The following PLSCR5 variants were observed in gnomAD, a reference collection of about 807,000 sequenced individuals.
PLSCR5 encodes the protein phospholipid scramblase family member 5, also known as phospholipid scramblase family, member 5.
PLSCR5 carries 44 observed loss-of-function variants against 33.6 expected under a neutral mutation model. That is an observed-to-expected ratio of 1.31 (90% confidence interval 1.03 to 1.69). The LOEUF is 1.69. Among genes scored for constraint, PLSCR5 ranks in the 40% most tolerant of loss-of-function variants. The pLI is 0.00. For missense variants in PLSCR5, 375 were observed against 318.7 expected (o/e 1.18, Z -1.34); for synonymous variants, 148 against 112.3 (o/e 1.32, Z -2.01).
rs191125869 is a variant in PLSCR5, at chr3:146,598,449, T to G, written c.189+1839A>C. ...ACCTTTCCCTTTAGAAGTAGAATAT[T>G]CAACAATTGGTGGCATATTTTTCTT... On this transcript the variant is annotated intron_variant, in intron 2 of 7. Coordinates refer to ENST00000443512, the MANE Select transcript of PLSCR5 (RefSeq NM_001085420.2). Among the ~76,000 whole-genome samples the G allele has an allele frequency of 4.3e-4, 66 of 152,344 alleles. 1 individual carries two copies. Among genetic ancestry groups the G allele is most frequent in the Admixed American group, 1.9e-3 (29 of 15,296 alleles).
chr3:146,600,354 A>G lies in PLSCR5; in HGVS notation c.123T>C (p.Ser41=), dbSNP rs755339520. Residue 41 remains serine (S), a synonymous_variant, in exon 2 of 8, where the codon AGT becomes AGC. Transcript: ENST00000443512. ...SNPGNQAWQL[S]LPLPSSFLPT... is the part of the protein sequence containing the mutation. Reference sequence around the variant, plus strand: ...GCAGGAAACTGCTTGGCAGAGGGAGACTCAGCTGCCATGCTTGGTTCCCTG... The same window carrying G: ...GCAGGAAACTGCTTGGCAGAGGGAGGCTCAGCTGCCATGCTTGGTTCCCTG... 3.1e-6 allele frequency: 5 copies of G among 1,608,030 alleles called. No homozygotes were observed. The South Asian group carries it at 5.6e-5, about 18-fold the overall frequency.
chr3:146,596,284 G>A (rs2044760487), intron 2 of PLSCR5, among the ~76,000 whole-genome samples: 1 of 152,148 alleles, frequency 6.6e-6, no homozygotes, highest in Non-Finnish European at 1.5e-5. Context: ...CACCTCCTAG[G>A]TTCAAGCAAT....
At chr3:146,592,886 T>C (rs945284002) in intron 4 of PLSCR5, among the ~76,000 whole-genome samples, 1 of 152,178 alleles carries the variant, frequency 6.6e-6, no homozygotes, top group Non-Finnish European at 1.5e-5. Flanking sequence ...GACTACACTC[T>C]CTTGGGGCAT....
intron 4 of PLSCR5, among the ~76,000 whole-genome samples, chr3:146,592,214 A>T (rs1454867174): frequency 1.3e-5 from 2 of 152,054 alleles, no homozygotes; most frequent in Admixed American, 6.6e-5. Flanking sequence ...TCAACCACTG[A>T]AGCTGTTCCT....
At chr3:146,582,678 C>A (rs2044640426), downstream of PLSCR5, among the ~76,000 whole-genome samples, 1 of 152,086 alleles carries the variant, frequency 6.6e-6, no homozygotes, top group Non-Finnish European at 1.5e-5. Context: ...GAGAATAGCC[C>A]TTACCAGAAC....
At chr3:146,588,415 G>A (rs2044682255) in intron 6 of PLSCR5, among the ~76,000 whole-genome samples, 1 of 152,120 alleles carries the variant, frequency 6.6e-6, no homozygotes, top group African/African-American at 2.4e-5. Flanking sequence ...AGGTTGTGGT[G>A]AGCCAAGATT....
In PLSCR5 at chr3:146,600,434, C is replaced by G. The variant is rs779543947; in HGVS notation, c.43G>C (p.Gly15Arg). The change falls in exon 2 of 8, where the codon GGT (glycine) becomes CGT (arginine). Residue 15 changes from glycine to arginine, a missense_variant. Transcript: ENST00000443512. ...GGGTCTGGAGCTCCAGGAAGAAAAC[C>G]AGGCAGACCTCTTCTTTGGTTCTGG... is the stretch of plus-strand genomic sequence containing the variant. The part of the protein sequence containing the change: ...DAQNQRRGLP[G>R]FLPGAPDPDQ... 1.2e-6 allele frequency: 2 copies of G among 1,601,220 alleles called. No individual in the cohort carries two copies.
Position 146,591,787 on chromosome 3 carries a change from T to C in PLSCR5, c.548A>G (p.Lys183Arg), listed in dbSNP as rs754660624. Residue 183 changes from lysine (K) to arginine (R), a missense_variant, in exon 5 of 8, where the codon AAA (lysine) becomes AGA (arginine). Physicochemically the swap from Lys to Arg is conservative, Grantham distance 26. Transcript: ENST00000443512. ...LPKFTIQNAN[K>R]EDILKIVGPC... is the part of the protein sequence containing the mutation. ...ACCAACAATTTTCAAAATATCTTCT[T>C]TGTTTGCATTTTGGATTGTGAATTT... is the stretch of plus-strand genomic sequence containing the variant. The C allele has an allele frequency of 2.6e-5, 42 of 1,612,234 alleles. No homozygotes were observed. The South Asian group carries it at 4.5e-4, about 17-fold the overall frequency.
Position 146,595,040 on chromosome 3 carries a change from C to T in PLSCR5, c.232+1G>A. 1 of 1,429,776 alleles carries T rather than the reference C, an allele frequency of 7.0e-7. No individual in the cohort carries two copies. Among genetic ancestry groups the T allele is most frequent in the Non-Finnish European group, 9.3e-7 (1 of 1,075,892 alleles). The allele number at this position is 1,429,776 out of a possible 1,614,324, so 88.6% of individuals were successfully genotyped here. ...ATATGTAATATATATAATGCACTTA[C>T]TTCCAAGCAGCTCCACCTGCTGGTG... is the stretch of plus-strand genomic sequence containing the variant. On this transcript the variant is annotated splice_donor_variant, in intron 3 of 7. Transcript: ENST00000443512. LOFTEE classifies it high-confidence loss of function.
chr3:146,596,963 G>A (rs962394426), intron 2 of PLSCR5, among the ~76,000 whole-genome samples: 4 of 152,106 alleles, frequency 2.6e-5, no homozygotes, highest in African/African-American at 9.7e-5. Context: ...CTTTAGTAGT[G>A]TACTGCATTA....
At chr3:146,579,552 C>G (rs934203200) in intron 7 of PLSCR5, among the ~76,000 whole-genome samples, 4 of 152,190 alleles carry the variant, frequency 2.6e-5, no homozygotes, top group Admixed American at 6.5e-5. Flanking sequence ...GATCATCTAT[C>G]CAAACCCCTC....
chr3:146,587,898 A>G (rs544720472), intron 6 of PLSCR5, among the ~76,000 whole-genome samples: 2 of 152,046 alleles, frequency 1.3e-5, no homozygotes, highest in East Asian at 3.9e-4. Context: ...ATATACATAT[A>G]TATCTATGTA....
At chr3:146,591,917 T>C in intron 4 of PLSCR5, 36 bp from the exon 5 acceptor site, 1 of 1,487,446 alleles carries the variant, frequency 6.7e-7, no homozygotes, top group Admixed American at 2.3e-5. Context: ...AAGATTTTCT[T>C]AGGTTATCAT....
At chr3:146,578,980 AT>A (rs140745337) in intron 7 of PLSCR5, among the ~76,000 whole-genome samples, 7 of 151,844 alleles carry the variant, frequency 4.6e-5, no homozygotes, top group African/African-American at 7.2e-5. Flanking sequence ...TTTAATGAAA[AT>A]TTTTTTCTTT....
At chr3:146,591,160 T>C (rs942435065) in intron 5 of PLSCR5, among the ~76,000 whole-genome samples, 2 of 143,436 alleles carry the variant, frequency 1.4e-5, no homozygotes, top group Admixed American at 6.9e-5. Context: ...TAGGTGATTC[T>C]AAACTGTATA....
At position 146,594,120 on chromosome 3, in the gene PLSCR5, A is replaced by C. The variant is rs1383289839; in HGVS notation, c.253T>G (p.Ser85Ala). 3.7e-6 allele frequency: 6 copies of C among 1,613,160 alleles called. No individual in the cohort carries two copies. Among genetic ancestry groups the C allele is most frequent in the African/African-American group, 2.7e-5 (2 of 74,852 alleles). ...LLGMILGTET[S>A]NKYEIKNSLG... is the part of the protein sequence containing the mutation. ...CTGTTTTTAATCTCATATTTGTTGG[A>C]GGTCTCAGTACCAAGTATCACTAAT... Residue 85 changes from serine to alanine, a missense_variant, in exon 4 of 8, where the codon TCC (serine) becomes GCC (alanine). Physicochemically the swap from Ser to Ala is moderately conservative, Grantham distance 99 (BLOSUM62 1). Coordinates refer to ENST00000443512, the MANE Select transcript of PLSCR5 (RefSeq NM_001085420.2).
intron 2 of PLSCR5, among the ~76,000 whole-genome samples, chr3:146,599,933 G>C (rs1430140606): frequency 2.0e-5 from 3 of 151,774 alleles, no homozygotes; most frequent in Non-Finnish European, 4.4e-5. Context: ...CAAAATGCTG[G>C]GATTACAGGC....
downstream of PLSCR5, among the ~76,000 whole-genome samples, chr3:146,580,906 G>A (rs1424625988): frequency 6.6e-6 from 1 of 152,116 alleles, no homozygotes; most frequent in East Asian, 1.9e-4. Context: ...GGGTTTGAGG[G>A]TGTAAAATTC....
chr3:146,586,718 C>A (rs12108037), intron 6 of PLSCR5, among the ~76,000 whole-genome samples: 39,569 of 150,388 alleles, frequency 0.26, 5,158 homozygotes, highest in African/African-American at 0.28. Context: ...TATCTTGGAA[C>A]CAGAAGAGAC....
Sources: gnomAD v4.1 joint callset for allele counts (sites outside exome capture counted in the v4.1 genomes callset) on GRCh38, gnomAD v4.1.1 for gene constraint, MANE v1.5 for transcripts, NCBI Gene and HGNC (gene_info 2026-07-23, HGNC 2026-07-21) for gene names.